FOLH1: variants seen among roughly 807,000 people sequenced by gnomAD.
FOLH1 encodes glutamate carboxypeptidase 2.
In FOLH1, 54 loss-of-function variants were observed where a neutral mutation model predicts 93.9. The observed-to-expected ratio is 0.57, with a 90% confidence interval of 0.46 to 0.72. The LOEUF (loss-of-function observed/expected upper bound fraction) is 0.72. Among genes scored for constraint, FOLH1 ranks in the 30% least tolerant of loss-of-function variants. FOLH1 has a pLI of 0.00. For synonymous variants in FOLH1, 249 were observed against 303.6 expected (o/e 0.82, Z 1.87); for missense variants, 571 against 892.5 (o/e 0.64, Z 4.59).
At chr11:49,183,049 A>C in intron 7 of FOLH1, 100 bp downstream of exon 7, 6 of 1,020,398 alleles carry the variant, frequency 5.9e-6, no homozygotes. Flanking sequence ...CCCATGTTGG[A>C]AAATTTAAGT....
At chr11:49,183,959 A>G (rs948859337) in intron 6 of FOLH1, among the ~76,000 whole-genome samples, 2 of 152,164 alleles carry the variant, frequency 1.3e-5, no homozygotes, top group Admixed American at 6.5e-5. Context: ...AATTTGCAAA[A>G]TTTATTGAAC....
At chr11:49,193,222 G>A (rs1455115500) in intron 3 of FOLH1, among the ~76,000 whole-genome samples, 2 of 152,084 alleles carry the variant, frequency 1.3e-5, no homozygotes, top group Non-Finnish European at 2.9e-5. Context: ...CTCAGAGGAG[G>A]TAAAAAGATA....
chr11:49,166,487 C>T (rs917913538), intron 12 of FOLH1, among the ~76,000 whole-genome samples: 3 of 152,102 alleles, frequency 2.0e-5, no homozygotes, highest in African/African-American at 7.2e-5. Context: ...TGTAAAGCAC[C>T]TGAGATAGCA....
At chr11:49,155,012 G>A (rs1206381490) in intron 15 of FOLH1, among the ~76,000 whole-genome samples, 5 of 152,010 alleles carry the variant, frequency 3.3e-5, no homozygotes, top group African/African-American at 4.8e-5. Context: ...ATCTCACTAA[G>A]GAGAGAGAAG....
chr11:49,192,570 G>T (rs1382440117), intron 4 of FOLH1, among the ~76,000 whole-genome samples: 13 of 152,014 alleles, frequency 8.6e-5, no homozygotes, highest in Admixed American at 8.5e-4. Context: ...TGTGCATTTG[G>T]GATTTGTGCA....
intron 2 of FOLH1, among the ~76,000 whole-genome samples, chr11:49,203,068 T>C (rs1201318939): frequency 1.3e-5 from 2 of 152,234 alleles, no homozygotes; most frequent in African/African-American, 2.4e-5. Flanking sequence ...AAATTACTTG[T>C]GACACACATC....
intron 17 of FOLH1, among the ~76,000 whole-genome samples, chr11:49,150,847 A>T (rs1012456273): frequency 6.6e-6 from 1 of 152,230 alleles, no homozygotes; most frequent in Non-Finnish European, 1.5e-5. Context: ...TCATTACAAT[A>T]AGAAAGCATG....
At chr11:49,174,369 T>C (rs202717) in intron 9 of FOLH1, among the ~76,000 whole-genome samples, 50,626 of 152,006 alleles carry the variant, frequency 0.33, 10,062 homozygotes, top group African/African-American at 0.56. Context: ...ACTAAGACTA[T>C]GTATAAAATG....
chr11:49,178,113 ATAAAAGAT>A (rs1199078736), intron 7 of FOLH1, among the ~76,000 whole-genome samples: 2 of 152,198 alleles, frequency 1.3e-5, no homozygotes, highest in Non-Finnish European at 2.9e-5. Flanking sequence ...CACCTGAAGA[ATAAAAGAT>A]TAGGGTGGGG....
intron 2 of FOLH1, among the ~76,000 whole-genome samples, chr11:49,205,856 A>C (rs759833897): frequency 3.3e-5 from 5 of 152,246 alleles, no homozygotes; most frequent in African/African-American, 4.8e-5. Flanking sequence ...GTCCTTGTAC[A>C]GAAAAAGTTT....
At chr11:49,201,650 A>G (rs1255545948) in intron 2 of FOLH1, among the ~76,000 whole-genome samples, 14 of 152,232 alleles carry the variant, frequency 9.2e-5, no homozygotes, top group East Asian at 5.8e-4. Flanking sequence ...GGACACAAAC[A>G]TAAGAGGCAG....
intron 5 of FOLH1, 120 bp from the exon 6 acceptor site, chr11:49,185,975 T>A: frequency 7.9e-7 from 1 of 1,267,904 alleles, no homozygotes; most frequent in Non-Finnish European, 1.0e-6. Context: ...CTTTTCTCAT[T>A]AGGCCTACAA....
intron 1 of FOLH1, chr11:49,206,810 T>C (rs1293458978): frequency 5.9e-6 from 9 of 1,535,226 alleles, no homozygotes; most frequent in African/African-American, 1.4e-5. Context: ...AGTGCACGCA[T>C]AGGCGGCCAG....
intron 15 of FOLH1, 87 bp from the exon 16 acceptor site, chr11:49,154,579 T>C (rs1856811500): frequency 2.0e-6 from 3 of 1,536,996 alleles, no homozygotes; most frequent in Admixed American, 3.9e-5. Flanking sequence ...ATTAGTAAGA[T>C]TGGTCAGTGA....
intron 12 of FOLH1, among the ~76,000 whole-genome samples, chr11:49,165,492 TG>T (rs764206951): frequency 4.6e-5 from 7 of 152,218 alleles, no homozygotes; most frequent in Middle Eastern, 3.4e-3. Context: ...GAGGTGTTCT[TG>T]GGAAGCCAAC....
At chr11:49,196,054 T>C (rs1278966306) in intron 3 of FOLH1, among the ~76,000 whole-genome samples, 1 of 152,044 alleles carries the variant, frequency 6.6e-6, no homozygotes, top group African/African-American at 2.4e-5. Context: ...CTTGGGAGGC[T>C]GAGGTGGGAG....
At chr11:49,208,253 G>T (rs1325789732) in intron 1 of FOLH1, 39 bp downstream of exon 1, 3 of 1,390,154 alleles carry the variant, frequency 2.2e-6, no homozygotes, top group Non-Finnish European at 2.9e-6. Context: ...GGCACCACGG[G>T]GAAGACTCCG....
chr11:49,201,605 C>A (rs1447845183), intron 2 of FOLH1, among the ~76,000 whole-genome samples: 2 of 151,924 alleles, frequency 1.3e-5, no homozygotes, highest in African/African-American at 4.8e-5. Flanking sequence ...ATATCTTACA[C>A]AGAATTTCTA....
intron 17 of FOLH1, among the ~76,000 whole-genome samples, chr11:49,153,205 G>T (rs2134882248): frequency 6.6e-6 from 1 of 151,060 alleles, no homozygotes; most frequent in East Asian, 1.9e-4. Flanking sequence ...TTAAAATTTT[G>T]TTCAAATTGT....
Sources: allele counts gnomAD v4.1 joint callset (sites outside exome capture counted in the v4.1 genomes callset), GRCh38; gene constraint gnomAD v4.1.1; transcripts MANE v1.5; gene names NCBI Gene and HGNC (gene_info 2026-07-23, HGNC 2026-07-21).